Variants in B3GAT1 observed in about 807,000 individuals in gnomAD.
B3GAT1 encodes the protein beta-1,3-glucuronyltransferase 1.
A neutral mutation model predicts 28.4 loss-of-function variants in B3GAT1; 11 were observed. That is an observed-to-expected ratio of 0.39 (90% CI 0.24 to 0.64). The LOEUF is 0.64. Among genes scored for constraint, B3GAT1 ranks in the 30% least tolerant of loss-of-function variants. The pLI, the probability that B3GAT1 is intolerant of heterozygous loss-of-function variation, is 0.50. For synonymous variants in B3GAT1, 255 were observed against 223.1 expected (o/e 1.14, Z -1.27); for missense variants, 375 against 491.0 (o/e 0.76, Z 2.23).
intron 1 of B3GAT1, among the ~76,000 whole-genome samples, chr11:134,406,813 C>T (rs1944741255): frequency 6.6e-6 from 1 of 152,202 alleles, no homozygotes; most frequent in African/African-American, 2.4e-5. Context: ...AGTGGCAGAA[C>T]TAGGACCTGA....
In B3GAT1 at chr11:134,393,264, T is replaced by C. The variant is rs1944445223; in HGVS notation, c.-281-5324A>G. 6.6e-6 allele frequency among the ~76,000 whole-genome samples: 1 copy of C among 152,188 alleles called. No individual in the cohort carries two copies. Among genetic ancestry groups the C allele is most frequent in the Non-Finnish European group, 1.5e-5 (1 of 68,030 alleles). On this transcript the variant is annotated intron_variant, in intron 1 of 5. Transcript: ENST00000312527. This position sits in a 1 kb window ranked among gnomAD's most constrained non-coding sequence, Gnocchi z 4.0. The stretch of plus-strand genomic sequence containing the variant: ...TACATACATGCCATACATTTCAATG[T>C]AAGTAACTCGCAGAGCCAGTTGTCC...
At chr11:134,394,140 C>A (rs1356382060) in intron 1 of B3GAT1, among the ~76,000 whole-genome samples, 1 of 152,342 alleles carries the variant, frequency 6.6e-6, no homozygotes, top group East Asian at 1.9e-4. Context: ...CTTTCCCAGG[C>A]CCCTGCTCCT....
chr11:134,397,546 A>G (rs910733039), intron 1 of B3GAT1, among the ~76,000 whole-genome samples: 5 of 140,924 alleles, frequency 3.5e-5, no homozygotes, highest in African/African-American at 1.5e-4. Flanking sequence ...GGGGGGCCAG[A>G]GGGCAGTGCC....
rs2076801 is a variant in B3GAT1, at chr11:134,382,362, T to C, written c.919-338A>G. Among the ~76,000 whole-genome samples the C allele has an allele frequency of 0.013, 1,971 of 152,300 alleles. 77 individuals are homozygous for C. In the East Asian group the frequency reaches 0.14, roughly 11 times the overall value. ...ATGTGCATATGTGTATATGTGCATG[T>C]CTGTGCATGTTCACCTGCATATATG... On this transcript the variant is annotated intron_variant, in intron 4 of 5. Coordinates refer to ENST00000312527, the MANE Select transcript of B3GAT1 (RefSeq NM_054025.3).
rs1017702886 is a variant in B3GAT1 at position 134,379,699 on chromosome 11, T to TC, written c.*1062dup. On this transcript the variant is annotated 3_prime_UTR_variant, in exon 6 of 6. Transcript: ENST00000312527. Reference sequence around the variant, plus strand: ...TCCCAGCCCCTCTGCTACTCCAGAGTCCCTCCTCCTCAGACCAGGGGCAGG... The same window carrying TC: ...TCCCAGCCCCTCTGCTACTCCAGAGTCCCCTCCTCCTCAGACCAGGGGCAGG... 6.6e-6 allele frequency: 1 copy of TC among 152,128 alleles called. No homozygotes were observed. Among genetic ancestry groups the TC allele is most frequent in the Non-Finnish European group, 1.5e-5 (1 of 68,084 alleles). 9.4% of individuals were successfully genotyped at this position (152,128 alleles called of 1,614,324 possible).
chr11:134,395,103 G>A (rs934024426), intron 1 of B3GAT1, among the ~76,000 whole-genome samples: 10 of 152,320 alleles, frequency 6.6e-5, no homozygotes, highest in African/African-American at 1.7e-4. Context: ...TCAGGCAGCA[G>A]TTCATCCACT....
At position 134,401,748 on chromosome 11, in the gene B3GAT1, AT is replaced by A. The variant is rs199701536; in HGVS notation, c.-282+10058del. On this transcript the variant is annotated intron_variant, in intron 1 of 5. Transcript: ENST00000312527. Reference sequence around the variant, plus strand: ...AAAATAAATGCTGAATTTATAAAAAATTTAAAAAAAAGTAAAACTCAGCTGA... The same window carrying A: ...AAAATAAATGCTGAATTTATAAAAAATTAAAAAAAAGTAAAACTCAGCTGA... 1.2e-3 allele frequency among the ~76,000 whole-genome samples: 190 copies of A among 152,284 alleles called. 1 individual carries two copies. The highest frequency in any genetic ancestry group is 5.9e-4 in the Non-Finnish European group (40 of 68,036).
In B3GAT1 at chr11:134,404,030, T is replaced by TA. The variant is rs71038585; in HGVS notation, c.-282+7776_-282+7777insT. The stretch of plus-strand genomic sequence containing the variant: ...ATATATATATATATATATATATATA[T>TA]TTATTATACGTTAAGTTCTAGGGTA... On this transcript the variant is annotated intron_variant, in intron 1 of 5. Coordinates refer to ENST00000312527, the MANE Select transcript of B3GAT1 (RefSeq NM_054025.3). Among the ~76,000 whole-genome samples the TA allele has an allele frequency of 2.5e-3, 317 of 125,040 alleles. 10 individuals carry two copies. Among genetic ancestry groups the TA allele is most frequent in the African/African-American group, 5.8e-3 (192 of 32,890 alleles). 82.0% of individuals were successfully genotyped at this position (125,040 alleles called of 152,430 possible). A position where few individuals can be genotyped will look rare whatever the true frequency, so the allele number is the denominator to read the frequency against.
At chr11:134,381,875 C>A in intron 5 of B3GAT1, 49 bp downstream of exon 5, 2 of 1,466,628 alleles carry the variant, frequency 1.4e-6, no homozygotes, top group Admixed American at 1.7e-5. Flanking sequence ...TTCGGCCCAA[C>A]CTGGTGCCGC....
intron 1 of B3GAT1, among the ~76,000 whole-genome samples, chr11:134,404,174 C>T (rs916763837): frequency 1.3e-5 from 2 of 151,668 alleles, no homozygotes; most frequent in South Asian, 2.1e-4. Context: ...TCCCCTCTCC[C>T]GCTATCCCAC....
At chr11:134,386,493 G>A (rs1311372031) in intron 2 of B3GAT1, 1 of 152,224 alleles carries the variant, frequency 6.6e-6, no homozygotes, top group Non-Finnish European at 1.5e-5. Context: ...GGGAGTGAGA[G>A]GGAAAGGCGA....
rs918963407 is a variant in B3GAT1, at chr11:134,379,121, G to A, written c.*1641C>T. 2 of 152,178 alleles carry A rather than the reference G, an allele frequency of 1.3e-5. No homozygotes were observed. Among genetic ancestry groups the A allele is most frequent in the African/African-American group, 4.8e-5 (2 of 41,438 alleles). The allele number at this position is 152,178 out of a possible 1,614,324, so 9.4% of individuals were successfully genotyped here. A position where few individuals can be genotyped will look rare whatever the true frequency, so the allele number is the denominator to read the frequency against. ...AAAACGTCCTGCAAGGTGGCTCAGG[G>A]ATCTGATTCCATCAGATGGTCTCAT... On this transcript the variant is annotated 3_prime_UTR_variant, in exon 6 of 6. Transcript: ENST00000312527.
intron 1 of B3GAT1, among the ~76,000 whole-genome samples, chr11:134,402,928 A>AT (rs1565458808): frequency 6.7e-6 from 1 of 149,910 alleles, no homozygotes; most frequent in Non-Finnish European, 1.5e-5. Context: ...AAAAAAAAAA[A>AT]GTCGAAGGGG....
At chr11:134,408,762 C>T (rs1328185182) in intron 1 of B3GAT1, among the ~76,000 whole-genome samples, 7 of 102,570 alleles carry the variant, frequency 6.8e-5, no homozygotes, top group Non-Finnish European at 9.9e-5. Context: ...CAGCCTGCAC[C>T]TATTCCAGTG....
chr11:134,398,170 C>T (rs769051845), intron 1 of B3GAT1, among the ~76,000 whole-genome samples: 7 of 152,228 alleles, frequency 4.6e-5, no homozygotes, highest in Non-Finnish European at 7.3e-5. Flanking sequence ...CATGTGCATG[C>T]GTGTGTGCAT....
In B3GAT1 at chr11:134,382,698, G is replaced by C; in HGVS notation, c.918+12C>G. ...ATTGCATCACAGCTGTCAGTTCTGC[G>C]GAGGGTCTCACCTTGGTGCAGTTGG... On this transcript the variant is annotated intron_variant, in intron 4 of 5. Transcript: ENST00000312527. 6.2e-7 allele frequency: 1 copy of C among 1,607,616 alleles called. No homozygotes were observed. Among genetic ancestry groups the C allele is most frequent in the Non-Finnish European group, 8.5e-7 (1 of 1,175,074 alleles).
At chr11:134,389,324 C>T (rs1260863832) in intron 1 of B3GAT1, 14 of 152,430 alleles carry the variant, frequency 9.2e-5, no homozygotes, top group African/African-American at 3.4e-4. Flanking sequence ...GGACAGAGCA[C>T]CAGGTGCTGG....
In B3GAT1 at chr11:134,383,009, A is replaced by G; in HGVS notation, c.622-3T>C. 1.4e-5 allele frequency: 21 copies of G among 1,548,266 alleles called. No homozygotes were observed. Among genetic ancestry groups the G allele is most frequent in the Non-Finnish European group, 1.7e-5 (20 of 1,145,690 alleles). On this transcript the variant is annotated splice_polypyrimidine_tract_variant and splice_region_variant and intron_variant, in intron 3 of 5. Transcript: ENST00000312527. The stretch of plus-strand genomic sequence containing the variant: ...GACACCCTCCTGGTGCTGCGCATCT[A>G]CAAGGGGGGGGTCCAGAGTCAGGGC...
chr11:134,395,952 T>C (rs189328737), intron 1 of B3GAT1, among the ~76,000 whole-genome samples: 3 of 152,178 alleles, frequency 2.0e-5, no homozygotes, highest in African/African-American at 7.2e-5. Flanking sequence ...ACTTGGGTGG[T>C]GGTGGGAATG....
Sources: gnomAD v4.1 joint callset for allele counts (sites outside exome capture counted in the v4.1 genomes callset) on GRCh38, gnomAD v4.1.1 for gene constraint, Gnocchi (gnomAD v3.1) non-coding constraint, MANE v1.5 for transcripts, NCBI Gene and HGNC (gene_info 2026-07-23, HGNC 2026-07-21) for gene names.